The following PEPD variants were observed in gnomAD, a reference collection of about 807,000 sequenced individuals.
The protein encoded by PEPD is peptidase D.
A neutral mutation model predicts 60.7 loss-of-function variants in PEPD; 53 were observed. The ratio of observed to expected loss-of-function variants is 0.87; its 90% CI spans 0.70 to 1.10. The LOEUF (loss-of-function observed/expected upper bound fraction) is 1.10, where lower values mean the gene tolerates loss of function less well. Ranked by LOEUF, PEPD falls within the 50% of genes least tolerant of loss-of-function variation. PEPD has a pLI of 0.00. For synonymous variants in PEPD, 267 were observed against 284.1 expected (o/e 0.94, Z 0.60); for missense variants, 711 against 711.9 (o/e 1.00, Z 0.01).
At chr19:33,387,674 T>G in intron 14 of PEPD, 193 bp from the exon 15 acceptor site, 1 of 800,796 alleles carries the variant, frequency 1.2e-6, no homozygotes, top group Non-Finnish European at 2.1e-6. Context: ...GCCAGGTGGA[T>G]GGGAGCCCCT....
intron 3 of PEPD, 96 bp downstream of exon 3, chr19:33,510,932 G>C: frequency 7.7e-7 from 1 of 1,295,190 alleles, no homozygotes; most frequent in South Asian, 1.3e-5. Context: ...CCTCCTCCCC[G>C]TCCCCAGGCC....
chr19:33,443,863 T>A (rs1403400329), intron 9 of PEPD, among the ~76,000 whole-genome samples: 2 of 125,014 alleles, frequency 1.6e-5, no homozygotes, highest in African/African-American at 3.1e-5. Flanking sequence ...TATCACACAC[T>A]TGCGAACATG....
At chr19:33,481,253 C>G (rs1970308574) in intron 6 of PEPD, among the ~76,000 whole-genome samples, 1 of 152,140 alleles carries the variant, frequency 6.6e-6, no homozygotes, top group South Asian at 2.1e-4. Context: ...AAGACACAAA[C>G]TATTAAATTG....
chr19:33,468,532 C>T (rs1429729919), intron 7 of PEPD, among the ~76,000 whole-genome samples: 2 of 152,190 alleles, frequency 1.3e-5, no homozygotes, highest in Admixed American at 6.5e-5. Flanking sequence ...GGCGGGAATG[C>T]GAGGGGCCTG....
chr19:33,431,148 G>GAGGA (rs1969263300), intron 9 of PEPD, among the ~76,000 whole-genome samples: 2 of 138,274 alleles, frequency 1.4e-5, no homozygotes, highest in Non-Finnish European at 3.1e-5. Flanking sequence ...GAAAGGGAGA[G>GAGGA]AGGAAGGAAG....
rs997478724 is a variant in PEPD, at chr19:33,422,733, TATCA to T, written c.672-9094_672-9091del. ...CTACCCATCTATCCATCCATCCCTC[TATCA>T]ATCATCTATTTCTGTCAACCTACCT... On this transcript the variant is annotated intron_variant, in intron 9 of 14. Transcript: ENST00000244137. Among the ~76,000 whole-genome samples the T allele has an allele frequency of 8.0e-4, 122 of 151,556 alleles. 1 individual carries two copies. Among genetic ancestry groups the T allele is most frequent in the African/African-American group, 2.6e-3 (108 of 41,260 alleles).
At chr19:33,489,807 A>G (rs549193119) in intron 6 of PEPD, among the ~76,000 whole-genome samples, 189 bp downstream of exon 6, 1 of 152,192 alleles carries the variant, frequency 6.6e-6, no homozygotes, top group East Asian at 1.9e-4. Context: ...GACACGGGGC[A>G]CCTTTCCTTC....
At chr19:33,463,346 G>C (rs1352124402) in intron 8 of PEPD, among the ~76,000 whole-genome samples, 1 of 152,226 alleles carries the variant, frequency 6.6e-6, no homozygotes, top group Non-Finnish European at 1.5e-5. Flanking sequence ...CGAGGTGCTT[G>C]GTGAATACTT....
intron 3 of PEPD, among the ~76,000 whole-genome samples, chr19:33,503,571 T>C (rs1046386262): frequency 6.6e-6 from 1 of 152,098 alleles, no homozygotes; most frequent in African/African-American, 2.4e-5. Flanking sequence ...TACAGACCCT[T>C]TGCTACTGAG....
intron 9 of PEPD, among the ~76,000 whole-genome samples, chr19:33,435,703 T>C (rs775026160): frequency 9.9e-5 from 15 of 152,248 alleles, no homozygotes; most frequent in Non-Finnish European, 1.6e-4. Context: ...AATCTGCTGA[T>C]GCTCGTATGG....
chr19:33,396,604 T>C (rs1442013473), intron 12 of PEPD, among the ~76,000 whole-genome samples: 1 of 150,770 alleles, frequency 6.6e-6, no homozygotes, highest in Admixed American at 6.6e-5. Context: ...TGGGCCACCA[T>C]TGCTGTTCCA....
At chr19:33,434,762 T>G (rs1969342419) in intron 9 of PEPD, among the ~76,000 whole-genome samples, 1 of 152,068 alleles carries the variant, frequency 6.6e-6, no homozygotes, top group Non-Finnish European at 1.5e-5. Context: ...CTTTGGGTGG[T>G]CACTGGGCCT....
At chr19:33,475,313 T>C (rs1211826950) in intron 7 of PEPD, among the ~76,000 whole-genome samples, 4 of 151,800 alleles carry the variant, frequency 2.6e-5, no homozygotes, top group East Asian at 1.9e-4. Flanking sequence ...TCTAACATCA[T>C]GGAAAGCCCA....
chr19:33,508,184 T>C (rs1970849152), intron 3 of PEPD, among the ~76,000 whole-genome samples: 1 of 152,082 alleles, frequency 6.6e-6, no homozygotes, highest in Non-Finnish European at 1.5e-5. Flanking sequence ...CAGTGGGACA[T>C]GTCAACAGGC....
chr19:33,510,674 G>C (rs1250439487), intron 3 of PEPD, among the ~76,000 whole-genome samples: 1 of 152,180 alleles, frequency 6.6e-6, no homozygotes, highest in Non-Finnish European at 1.5e-5. Flanking sequence ...ATGTTGGGTG[G>C]ACCCAGTTTC....
At chr19:33,510,393 A>G (rs962575915) in intron 3 of PEPD, among the ~76,000 whole-genome samples, 1 of 152,230 alleles carries the variant, frequency 6.6e-6, no homozygotes, top group Admixed American at 6.5e-5. Flanking sequence ...GGAGGTCCCC[A>G]AGTGCAGTGG....
chr19:33,429,361 T>TG (rs1443455792), intron 9 of PEPD, among the ~76,000 whole-genome samples: 1 of 152,066 alleles, frequency 6.6e-6, no homozygotes, highest in Non-Finnish European at 1.5e-5. Flanking sequence ...AATTTTACAA[T>TG]GGGGGGCAAA....
At chr19:33,516,938 C>T (rs764429788) in intron 1 of PEPD, among the ~76,000 whole-genome samples, 15 of 152,110 alleles carry the variant, frequency 9.9e-5, no homozygotes, top group Non-Finnish European at 1.3e-4. Flanking sequence ...GGCGCAGTGG[C>T]TCATGCCTAT....
At chr19:33,479,738 A>G (rs1970281335) in intron 6 of PEPD, among the ~76,000 whole-genome samples, 1 of 152,236 alleles carries the variant, frequency 6.6e-6, no homozygotes. Context: ...ATGTTCTTGC[A>G]AAGGACATGA....
Sources: allele counts gnomAD v4.1 joint callset (sites outside exome capture counted in the v4.1 genomes callset), GRCh38; gene constraint gnomAD v4.1.1; transcripts MANE v1.5; gene names NCBI Gene and HGNC (gene_info 2026-07-23, HGNC 2026-07-21).